Variants in POLR2E observed in about 807,000 individuals in gnomAD.
POLR2E encodes RNA polymerase II, I and III subunit E.
In POLR2E, 35 loss-of-function variants were observed where a neutral mutation model predicts 29.8. The observed-to-expected ratio is 1.17, with a 90% CI of 0.90 to 1.55. The LOEUF (loss-of-function observed/expected upper bound fraction) is 1.55, where lower values mean the gene tolerates loss of function less well. Ranked by LOEUF, POLR2E falls within the 40% of genes most tolerant of loss-of-function variation. The pLI, the probability that POLR2E is intolerant of heterozygous loss-of-function variation, is 0.00. For missense variants in POLR2E, 287 were observed against 288.6 expected, an observed-to-expected ratio of 0.99 and a Z score of 0.04; for synonymous variants, 174 against 112.6, an observed-to-expected ratio of 1.55 and a Z score of -3.45.
intron 2 of POLR2E, 34 bp from the exon 3 acceptor site, chr19:1,091,941 C>T (rs2043842309): frequency 1.3e-6 from 2 of 1,504,272 alleles, no homozygotes; most frequent in Non-Finnish European, 1.8e-6. Context: ...CTGCACGAGC[C>T]TGGGCCCTCG....
Position 1,090,130 on chromosome 19 carries a change from C to T in POLR2E, c.445G>A (p.Val149Ile), listed in dbSNP as rs779847415. Residue 149 changes from valine to isoleucine, a missense_variant, in exon 5 of 8, where the codon GTC becomes ATC. By Grantham distance (29) the Val-to-Ile change is conservative (BLOSUM62 3). Coordinates refer to ENST00000615234, the MANE Select transcript of POLR2E (RefSeq NM_002695.5). ...ITEHELVPEH[V>I]VMTKEEVTEL... The stretch of plus-strand genomic sequence containing the variant: ...GTCACCTCCTCCTTGGTCATGACGA[C>T]GTGCTCAGGGACTAGCTGCCGAGAG... The T allele has an allele frequency of 2.5e-6, 4 of 1,612,524 alleles. No homozygotes were observed. In the Admixed American group the frequency reaches 5.0e-5, roughly 20 times the overall value.
chr19:1,094,283 C>A lies in POLR2E; in HGVS notation c.58-205G>T, dbSNP rs769263411. 2.6e-4 allele frequency: 139 copies of A among 528,744 alleles called. 1 individual carries two copies. The highest frequency in any genetic ancestry group is 1.6e-3 in the South Asian group (62 of 38,432). 32.8% of individuals were successfully genotyped at this position (528,744 alleles called of 1,614,324 possible). A position where few individuals can be genotyped will look rare whatever the true frequency, so the allele number is the denominator to read the frequency against. Reference sequence around the variant, plus strand: ...GGGACCAGTATGATCCTGAGAGGCTCCCAGAGATGTCCAGCCTTGACCAAG... The same window carrying A: ...GGGACCAGTATGATCCTGAGAGGCTACCAGAGATGTCCAGCCTTGACCAAG... On this transcript the variant is annotated intron_variant, in intron 1 of 7. Coordinates refer to ENST00000615234, the MANE Select transcript of POLR2E (RefSeq NM_002695.5).
Position 1,093,993 on chromosome 19 carries a change from G to C in POLR2E, c.143C>G (p.Pro48Arg). ...EEFKAQSGDK[P>R]SEGRPRRTDL... Reference sequence around the variant, plus strand: ...CGTGCGCCGCGGCCGCCCCTCACTCGGCTTGTCCCCAGATTGGGCTTTGAA... The same window carrying C: ...CGTGCGCCGCGGCCGCCCCTCACTCCGCTTGTCCCCAGATTGGGCTTTGAA... Residue 48 changes from proline to arginine, a missense_variant, in exon 2 of 8, where the codon CCG becomes CGG. Coordinates refer to ENST00000615234, the MANE Select transcript of POLR2E (RefSeq NM_002695.5). 6.2e-7 allele frequency: 1 copy of C among 1,613,770 alleles called. No individual in the cohort carries two copies.
chr19:1,093,472 C>T (rs1193851878), intron 2 of POLR2E, among the ~76,000 whole-genome samples: 1 of 150,756 alleles, frequency 6.6e-6, no homozygotes, highest in Non-Finnish European at 1.5e-5. Context: ...GGAGAGGGGG[C>T]ATGGGGTGCG....
At position 1,093,959 on chromosome 19, in the gene POLR2E, G is replaced by A. The variant is rs778192379; in HGVS notation, c.177C>T (p.Thr59=). The change falls in exon 2 of 8, where the codon ACC becomes ACT. Residue 59 remains threonine, a synonymous_variant. Transcript: ENST00000615234. The part of the protein sequence containing the change: ...SEGRPRRTDL[T]VLVAHNDDPT... ...GGTCATCGTTGTGGGCCACCAGCACGGTGAGGTCCGTGCGCCGCGGCCGCC... is the reference window on the plus strand; with the variant it reads ...GGTCATCGTTGTGGGCCACCAGCACAGTGAGGTCCGTGCGCCGCGGCCGCC... The A allele has an allele frequency of 1.5e-5, 24 of 1,613,192 alleles. No individual in the cohort carries two copies. The highest frequency in any genetic ancestry group is 1.4e-4 in the South Asian group (13 of 91,012).
At chr19:1,094,543 T>TA (rs34453757) in intron 1 of POLR2E, 54 of 153,168 alleles carry the variant, frequency 3.5e-4, no homozygotes, top group Non-Finnish European at 6.0e-4. Flanking sequence ...CCCTATCTCT[T>TA]AAAAAAAAAA....
At chr19:1,089,045 C>A (rs1046208762) in intron 7 of POLR2E, among the ~76,000 whole-genome samples, 1 of 152,200 alleles carries the variant, frequency 6.6e-6, no homozygotes, top group Non-Finnish European at 1.5e-5. Context: ...AGAGGCTGTC[C>A]CGCTCCTGAG....
rs954346234 is a variant in POLR2E at position 1,091,938 on chromosome 19, A to T, written c.233-31T>A. On this transcript the variant is annotated intron_variant, in intron 2 of 7. Transcript: ENST00000615234. Reference sequence around the variant, plus strand: ...GACAGAGAGTGTGCTGGCCTGCACGAGCCTGGGCCCTCGTGGCCCTCGCCC... The same window carrying T: ...GACAGAGAGTGTGCTGGCCTGCACGTGCCTGGGCCCTCGTGGCCCTCGCCC... 5 of 1,509,280 alleles carry T rather than the reference A, an allele frequency of 3.3e-6. No individual in the cohort carries two copies. In the African/African-American group the frequency reaches 6.9e-5, roughly 21 times the overall value. The allele number at this position is 1,509,280 out of a possible 1,614,324, so 93.5% of individuals were successfully genotyped here.
At chr19:1,092,506 C>G (rs530681159) in intron 2 of POLR2E, among the ~76,000 whole-genome samples, 2 of 151,196 alleles carry the variant, frequency 1.3e-5, no homozygotes, top group Non-Finnish European at 3.0e-5. Context: ...TCGAGACCAC[C>G]CTGGCTAACA....
At chr19:1,092,723 A>G (rs1319992607) in intron 2 of POLR2E, among the ~76,000 whole-genome samples, 1 of 151,140 alleles carries the variant, frequency 6.6e-6, no homozygotes, top group East Asian at 2.0e-4. Context: ...AACAATACAA[A>G]AAGAAAAAGT....
chr19:1,092,014 C>T (rs2145142088), intron 2 of POLR2E, 107 bp from the exon 3 acceptor site: 2 of 762,978 alleles, frequency 2.6e-6, no homozygotes, highest in East Asian at 2.5e-5. Context: ...ACAGGTGTCT[C>T]TCCTGCTCGG....
intron 1 of POLR2E, chr19:1,094,497 G>T (rs900492856): frequency 3.4e-5 from 6 of 177,266 alleles, no homozygotes; most frequent in African/African-American, 7.1e-5. Context: ...AGCTATGATT[G>T]CACCACTGCA....
In POLR2E at chr19:1,090,956, C is replaced by T. The variant is rs2043815476; in HGVS notation, c.381G>A (p.Leu127=). ...GCAGCTCCTGCTGCAGAAACTGCTC[C>T]AGGATGTACTTGGGGGCCATGTCGA... ...SLVDMAPKYI[L]EQFLQQELLI... The change falls in exon 4 of 8, where the codon CTG becomes CTA. Residue 127 remains leucine, a synonymous_variant. Coordinates refer to ENST00000615234, the MANE Select transcript of POLR2E (RefSeq NM_002695.5). The T allele has an allele frequency of 6.2e-7, 1 of 1,613,584 alleles. No homozygotes were observed. Among genetic ancestry groups the T allele is most frequent in the African/African-American group, 1.3e-5 (1 of 74,944 alleles).
intron 7 of POLR2E, among the ~76,000 whole-genome samples, chr19:1,089,026 G>A (rs75639405): frequency 0.06 from 9,169 of 152,272 alleles, 635 homozygotes; most frequent in East Asian, 0.35. Flanking sequence ...GGAGGCTCTC[G>A]CCATGGGCAG....
In POLR2E at chr19:1,089,458, CTCGGCCG is replaced by C; in HGVS notation, c.*14+7_*14+13del. 1 of 1,591,184 alleles carries C rather than the reference CTCGGCCG, an allele frequency of 6.3e-7. No homozygotes were observed. Among genetic ancestry groups the C allele is most frequent in the African/African-American group, 1.3e-5 (1 of 74,604 alleles). On this transcript the variant is annotated splice_region_variant and intron_variant, in intron 7 of 7. Coordinates refer to ENST00000615234, the MANE Select transcript of POLR2E (RefSeq NM_002695.5). ...TCTGACCCCACCTCAGTGCCTGTCC[CTCGGCCG>C]TCTCACCTGTCAGGCGGTAGCTACT...
At position 1,087,231 on chromosome 19, in the gene POLR2E, C is replaced by G. The variant is rs902142145; in HGVS notation, c.*1504G>C. The G allele has an allele frequency of 6.6e-6, 1 of 151,990 alleles. No homozygotes were observed. The highest frequency in any genetic ancestry group is 2.1e-4 in the South Asian group (1 of 4,850). The allele number at this position is 151,990 out of a possible 1,614,324, so 9.4% of individuals were successfully genotyped here. On this transcript the variant is annotated 3_prime_UTR_variant, in exon 8 of 8. Transcript: ENST00000615234. ...TGGTCTTTTAACTCCTGAGCTCAAG[C>G]GATCCTCCACTTCCTGGGTTCAAGT...
Position 1,088,282 on chromosome 19 carries a change from T to G in POLR2E, c.*453A>C, listed in dbSNP as rs2043752688. 1 of 151,640 alleles carries G rather than the reference T, an allele frequency of 6.6e-6. No individual in the cohort carries two copies. The highest frequency in any genetic ancestry group is 6.6e-5 in the Admixed American group (1 of 15,228). The allele number at this position is 151,640 out of a possible 1,614,324, so 9.4% of individuals were successfully genotyped here. A position where few individuals can be genotyped will look rare whatever the true frequency, so the allele number is the denominator to read the frequency against. On this transcript the variant is annotated 3_prime_UTR_variant, in exon 8 of 8. Coordinates refer to ENST00000615234, the MANE Select transcript of POLR2E (RefSeq NM_002695.5). ...CTCGCACCCTGGTGGCTTGAGCGCG[T>G]GCATGGCTGTGAATGGAGTAAAGAG...
rs1383909628 is a variant in POLR2E at position 1,087,333 on chromosome 19, T to G, written c.*1402A>C. 1.3e-5 allele frequency: 2 copies of G among 152,140 alleles called. No homozygotes were observed. Among genetic ancestry groups the G allele is most frequent in the African/African-American group, 4.8e-5 (2 of 41,396 alleles). 9.4% of individuals were successfully genotyped at this position (152,140 alleles called of 1,614,324 possible). A position where few individuals can be genotyped will look rare whatever the true frequency, so the allele number is the denominator to read the frequency against. ...ACGCCCAGGTAATTTTTGTATTTTT[T>G]GCAGTGATGGGATTTTGCCATGTTG... is the stretch of plus-strand genomic sequence containing the variant. On this transcript the variant is annotated 3_prime_UTR_variant, in exon 8 of 8. Coordinates refer to ENST00000615234, the MANE Select transcript of POLR2E (RefSeq NM_002695.5).
intron 2 of POLR2E, among the ~76,000 whole-genome samples, chr19:1,092,502 C>T (rs1019846088): frequency 3.3e-5 from 5 of 151,124 alleles, no homozygotes; most frequent in African/African-American, 9.7e-5. Flanking sequence ...GAGATCGAGA[C>T]CACCCTGGCT....
Sources: gnomAD v4.1 joint callset for allele counts (sites outside exome capture counted in the v4.1 genomes callset) on GRCh38, gnomAD v4.1.1 for gene constraint, MANE v1.5 for transcripts, NCBI Gene and HGNC (gene_info 2026-07-23, HGNC 2026-07-21) for gene names.